Variants in CSGALNACT1 observed in about 807,000 individuals in gnomAD.
The protein encoded by CSGALNACT1 is beta4GalNAcT-1.
CSGALNACT1 carries 52 observed loss-of-function variants against 51.0 expected under a neutral mutation model. The observed-to-expected ratio is 1.02, with a 90% CI of 0.82 to 1.29. CSGALNACT1 has a LOEUF of 1.29. CSGALNACT1 is among the 50% of genes most tolerant of loss of function. CSGALNACT1 has a pLI of 0.00. For missense variants in CSGALNACT1, 935 were observed against 679.2 expected, an observed-to-expected ratio of 1.38 and a Z score of -4.19; for synonymous variants, 341 against 254.4, an observed-to-expected ratio of 1.34 and a Z score of -3.24.
chr8:19,505,293 A>G (rs887347290), exon 4 of CSGALNACT1: 2 of 1,614,024 alleles, frequency 1.2e-6, no homozygotes, highest in Admixed American at 3.3e-5. Context: ...AATGGCTTCC[A>G]CCAACTCATC....
Position 19,521,910 on chromosome 8 carries a change from C to T in CSGALNACT1, c.-296-15780G>A, listed in dbSNP as rs10107533. Among the ~76,000 whole-genome samples, 7 of 152,214 alleles carry T rather than the reference C, an allele frequency of 4.6e-5. No homozygotes were observed. The East Asian group carries it at 5.8e-4, about 13-fold the overall frequency. On this transcript the variant is annotated intron_variant, in intron 3 of 9. Transcript: ENST00000454498. ...CAAGCATCTGCTCTACCAATCCCTG[C>T]GTCGTGGTAAGACTTCATGTGTCCA...
chr8:19,601,223 C>T (rs998109900), intron 2 of CSGALNACT1, among the ~76,000 whole-genome samples: 4 of 152,176 alleles, frequency 2.6e-5, no homozygotes, highest in African/African-American at 7.2e-5. Flanking sequence ...GCTTCCAATC[C>T]GTAAGGGCAC....
chr8:19,630,202 G>C (rs927286787), intron 1 of CSGALNACT1, among the ~76,000 whole-genome samples: 1,245 of 68,418 alleles, frequency 0.018, 5 homozygotes, highest in Non-Finnish European at 0.027. Context: ...CTCTGTGTGT[G>C]TGTGTGTGTG....
intron 1 of CSGALNACT1, among the ~76,000 whole-genome samples, chr8:19,708,741 C>T (rs889356090): frequency 1.3e-5 from 2 of 152,100 alleles, no homozygotes; most frequent in Non-Finnish European, 2.9e-5. Flanking sequence ...GTCCACTCCC[C>T]GGGACTGTTT....
At chr8:19,601,705 T>A in intron 2 of CSGALNACT1, 66 bp downstream of exon 2, 1 of 402,046 alleles carries the variant, frequency 2.5e-6, no homozygotes, top group Non-Finnish European at 4.9e-6. Context: ...TTCAAACACA[T>A]CCAGAATATT....
At chr8:19,488,384 T>C (rs988979947) in intron 4 of CSGALNACT1, among the ~76,000 whole-genome samples, 5 of 30,470 alleles carry the variant, frequency 1.6e-4, no homozygotes, top group African/African-American at 1.1e-3. Context: ...TATATATATA[T>C]ATATATATAT....
intron 1 of CSGALNACT1, among the ~76,000 whole-genome samples, chr8:19,680,904 G>A (rs186408690): frequency 6.6e-6 from 1 of 152,084 alleles, no homozygotes; most frequent in South Asian, 2.1e-4. Flanking sequence ...AGTGCCATAT[G>A]TCAGGTTTCT....
intron 1 of CSGALNACT1, among the ~76,000 whole-genome samples, chr8:19,621,754 C>G (rs1231699922): frequency 2.0e-5 from 3 of 152,154 alleles, no homozygotes; most frequent in Non-Finnish European, 4.4e-5. Context: ...GCACCCCAGC[C>G]TGGGCAACAG....
chr8:19,500,397 C>A (rs2076214417), intron 4 of CSGALNACT1, among the ~76,000 whole-genome samples: 1 of 152,158 alleles, frequency 6.6e-6, no homozygotes, highest in African/African-American at 2.4e-5. Flanking sequence ...TGTCCACATA[C>A]CTCTCAAATG....
intron 4 of CSGALNACT1, among the ~76,000 whole-genome samples, chr8:19,478,322 G>A (rs1328765945): frequency 6.0e-5 from 9 of 149,658 alleles, no homozygotes; most frequent in Non-Finnish European, 1.0e-4. Flanking sequence ...GCTGAGGCAG[G>A]AGAATGGCCT....
upstream of CSGALNACT1, among the ~76,000 whole-genome samples, chr8:19,606,182 C>T (rs545817250): frequency 3.5e-4 from 53 of 152,340 alleles, no homozygotes; most frequent in African/African-American, 1.0e-3. Flanking sequence ...AAAAACACCA[C>T]GAGATGAGAT....
intron 4 of CSGALNACT1, among the ~76,000 whole-genome samples, chr8:19,504,183 T>C (rs1213568873): frequency 6.6e-6 from 1 of 152,140 alleles, no homozygotes; most frequent in East Asian, 1.9e-4. Context: ...TTCACGCCAT[T>C]CTCCTGCCTC....
chr8:19,629,484 A>G (rs1165636757), intron 1 of CSGALNACT1, among the ~76,000 whole-genome samples: 3 of 152,230 alleles, frequency 2.0e-5, no homozygotes, highest in Non-Finnish European at 4.4e-5. Context: ...AGAGAGGCTC[A>G]ACTCCTGCCT....
intron 4 of CSGALNACT1, among the ~76,000 whole-genome samples, chr8:19,475,600 G>C (rs1201321600): frequency 6.6e-6 from 1 of 152,122 alleles, no homozygotes; most frequent in South Asian, 2.1e-4. Context: ...TGATCACCAA[G>C]GGAAGATAAT....
upstream of CSGALNACT1, among the ~76,000 whole-genome samples, chr8:19,604,636 G>A (rs1038279522): frequency 2.0e-5 from 3 of 151,746 alleles, no homozygotes; most frequent in African/African-American, 4.8e-5. Context: ...GGCCAGGTAC[G>A]GTGGCTCATG....
chr8:19,411,553 A>G (rs1177808269), intron 8 of CSGALNACT1, among the ~76,000 whole-genome samples: 1 of 152,216 alleles, frequency 6.6e-6, no homozygotes, highest in Non-Finnish European at 1.5e-5. Context: ...GGCCTGGGAA[A>G]TGCAGTGGTG....
At chr8:19,588,548 CAATAGACA>C (rs1408054770) in intron 3 of CSGALNACT1, among the ~76,000 whole-genome samples, 1 of 152,180 alleles carries the variant, frequency 6.6e-6, no homozygotes, top group African/African-American at 2.4e-5. Flanking sequence ...CCCATGCACT[CAATAGACA>C]AATTTACTGA....
At chr8:19,707,495 C>A (rs1201635206) in intron 1 of CSGALNACT1, among the ~76,000 whole-genome samples, 1 of 151,990 alleles carries the variant, frequency 6.6e-6, no homozygotes, top group African/African-American at 2.4e-5. Context: ...AGTAGAAATC[C>A]TCTACAATTT....
At chr8:19,658,614 G>C (rs532585596) in intron 1 of CSGALNACT1, among the ~76,000 whole-genome samples, 7 of 152,156 alleles carry the variant, frequency 4.6e-5, no homozygotes, top group African/African-American at 1.7e-4. Context: ...CACACCTGTA[G>C]TCCCAGCTAC....
Sources: gnomAD v4.1 joint callset for allele counts (sites outside exome capture counted in the v4.1 genomes callset) on GRCh38, gnomAD v4.1.1 for gene constraint, MANE v1.5 for transcripts, NCBI Gene and HGNC (gene_info 2026-07-23, HGNC 2026-07-21) for gene names.